Variants in TASOR2 observed in about 807,000 individuals in gnomAD.
TASOR2 encodes the protein protein TASOR 2.
TASOR2 carries 84 observed loss-of-function variants against 199.5 expected under a neutral mutation model. The observed-to-expected ratio is 0.42, with a 90% CI of 0.35 to 0.50. The LOEUF is 0.50. Among genes scored for constraint, TASOR2 ranks in the 20% least tolerant of loss-of-function variants. TASOR2 has a pLI of 0.02. For synonymous variants in TASOR2, 1,103 were observed against 1,046.6 expected, an observed-to-expected ratio of 1.05 and a Z score of -1.04; for missense variants, 2,796 against 2,835.9, an observed-to-expected ratio of 0.99 and a Z score of 0.32.
chr10:5,712,807 TTCTCTC>T lies in TASOR2; in HGVS notation c.-287-14_-287-9del. 1 of 1,167,658 alleles carries T rather than the reference TTCTCTC, an allele frequency of 8.6e-7. No homozygotes were observed. Among genetic ancestry groups the T allele is most frequent in the South Asian group, 4.4e-5 (1 of 22,912 alleles). 72.3% of individuals were successfully genotyped at this position (1,167,658 alleles called of 1,614,324 possible). A position where few individuals can be genotyped will look rare whatever the true frequency, so the allele number is the denominator to read the frequency against. ...ATGTTTATAGCGTTTGGTTATTCTG[TTCTCTC>T]TTTATACAGTACAAAACTTTTTACC... is the stretch of plus-strand genomic sequence containing the variant. On this transcript the variant is annotated splice_polypyrimidine_tract_variant and intron_variant, in intron 1 of 20. Coordinates refer to ENST00000328090, the Ensembl canonical transcript of TASOR2.
In TASOR2 at chr10:5,730,958, C is replaced by G. The variant is rs1451129137; in HGVS notation, c.959C>G (p.Thr320Ser). 1 of 1,613,656 alleles carries G rather than the reference C, an allele frequency of 6.2e-7. No homozygotes were observed. Among genetic ancestry groups the G allele is most frequent in the African/African-American group, 1.3e-5 (1 of 74,810 alleles). ...TCAGAGGCAGAAGTGAGAAAAGAAA[C>G]TGAAACAAAAAAGGATTCTGAAGAA... is the stretch of plus-strand genomic sequence containing the variant. The change falls in exon 11 of 21, where the codon ACT becomes AGT. Residue 320 changes from threonine to serine, a missense_variant. Coordinates refer to ENST00000328090, the Ensembl canonical transcript of TASOR2. The surrounding 1 kb of genome is among the most constrained non-coding windows in gnomAD (Gnocchi z 4.1).
chr10:5,717,723 T>C (rs1173036036), exon 3 of TASOR2: 1 of 1,222,026 alleles, frequency 8.2e-7, no homozygotes, highest in Non-Finnish European at 1.0e-6. Flanking sequence ...GGAAATCTGG[T>C]TATGTTGTAA....
At chr10:5,746,307 C>T (rs771651105) in exon 15 of TASOR2, 2 of 1,614,162 alleles carry the variant, frequency 1.2e-6, no homozygotes, top group African/African-American at 1.3e-5. Flanking sequence ...CACTGGATAG[C>T]ACAAGAGTGG....
intron 15 of TASOR2, among the ~76,000 whole-genome samples, chr10:5,753,472 C>T (rs945037771): frequency 1.3e-5 from 2 of 152,194 alleles, no homozygotes; most frequent in Non-Finnish European, 2.9e-5. Context: ...ACACCATTCT[C>T]CTGCCTCTGC....
intron 12 of TASOR2, 61 bp downstream of exon 13, chr10:5,735,607 G>A (rs369395454): frequency 1.3e-6 from 2 of 1,555,278 alleles, no homozygotes; most frequent in African/African-American, 2.8e-5. Context: ...GAGAGTGCAA[G>A]ATAATTTATT....
exon 15 of TASOR2, chr10:5,747,545 A>G: frequency 6.2e-7 from 1 of 1,614,134 alleles, no homozygotes; most frequent in Non-Finnish European, 8.5e-7. Flanking sequence ...TCTAAAGAAA[A>G]TTGCACCCTT....
chr10:5,708,599 TCTTC>T lies in TASOR2; in HGVS notation c.-287-4217_-287-4214del, dbSNP rs1399384181. On this transcript the variant is annotated intron_variant, in intron 1 of 20. Coordinates refer to ENST00000328090, the Ensembl canonical transcript of TASOR2. Reference sequence around the variant, plus strand: ...CTCCTTTTCTCTCTCTTTCTCTATCTCTTCCTTCCTCCCTCCCTCCCTCCCTCCC... The same window carrying T: ...CTCCTTTTCTCTCTCTTTCTCTATCTCTTCCTCCCTCCCTCCCTCCCTCCC... Among the ~76,000 whole-genome samples, 11 of 127,616 alleles carry T rather than the reference TCTTC, an allele frequency of 8.6e-5. No individual in the cohort carries two copies. The East Asian group carries it at 1.9e-3, about 23-fold the overall frequency. 83.7% of individuals were successfully genotyped at this position (127,616 alleles called of 152,430 possible). A position where few individuals can be genotyped will look rare whatever the true frequency, so the allele number is the denominator to read the frequency against.
At position 5,747,490 on chromosome 10, in the gene TASOR2, A is replaced by C; in HGVS notation, c.4069A>C (p.Lys1357Gln). 6.2e-7 allele frequency: 1 copy of C among 1,613,840 alleles called. No homozygotes were observed. The highest frequency in any genetic ancestry group is 8.5e-7 in the Non-Finnish European group (1 of 1,179,712). Residue 1357 changes from lysine (K) to glutamine (Q), a missense_variant, in exon 15 of 21, where the codon AAG becomes CAG. Coordinates refer to ENST00000328090, the Ensembl canonical transcript of TASOR2. ...AGTGTCAGAAGAACCAGTAGAAAATAAGGAGAGAAAGGGGGATAATTTACA... is the reference window on the plus strand; with the variant it reads ...AGTGTCAGAAGAACCAGTAGAAAATCAGGAGAGAAAGGGGGATAATTTACA...
intron 11 of TASOR2, among the ~76,000 whole-genome samples, chr10:5,733,645 C>G (rs951612917): frequency 6.6e-6 from 1 of 152,102 alleles, no homozygotes; most frequent in Non-Finnish European, 1.5e-5. Flanking sequence ...TTTCATTTTT[C>G]TTTTTTCTCC....
At chr10:5,731,015 T>C (rs774065545) in exon 11 of TASOR2, 1 of 1,614,108 alleles carries the variant, frequency 6.2e-7, no homozygotes, top group Non-Finnish European at 8.5e-7. Flanking sequence ...GTTTTTCCAT[T>C]GAGTCCAGCG....
In TASOR2 at chr10:5,748,408, G is replaced by T. The variant is rs757959888; in HGVS notation, c.4987G>T (p.Asp1663Tyr). Residue 1663 changes from aspartate (D) to tyrosine (Y), a missense_variant, in exon 15 of 21, where the codon GAC becomes TAC. Transcript: ENST00000328090. This position sits in a 1 kb window ranked among gnomAD's most constrained non-coding sequence, Gnocchi z 5.1. Reference sequence around the variant, plus strand: ...GGTCCCCACGCTTTGTTCTTCCTCAGACAATGCTACATTAACCCATTATGT... The same window carrying T: ...GGTCCCCACGCTTTGTTCTTCCTCATACAATGCTACATTAACCCATTATGT... 6.2e-7 allele frequency: 1 copy of T among 1,614,222 alleles called. No homozygotes were observed. Among genetic ancestry groups the T allele is most frequent in the East Asian group, 2.2e-5 (1 of 44,888 alleles).
rs534353492 is a variant in TASOR2 at position 5,761,212 on chromosome 10, A to G, written c.6993-78A>G. 59 of 1,270,102 alleles carry G rather than the reference A, an allele frequency of 4.6e-5. 1 individual carries two copies. In the African/African-American group the frequency reaches 8.4e-4, roughly 18 times the overall value. The allele number at this position is 1,270,102 out of a possible 1,614,324, so 78.7% of individuals were successfully genotyped here. On this transcript the variant is annotated intron_variant, in intron 18 of 20. Coordinates refer to ENST00000328090, the Ensembl canonical transcript of TASOR2. ...AAGGCAGAGGAACTCATGAGTTTGAATGGTTAAACTGAAGGCAAGAAAAAG... is the reference window on the plus strand; with the variant it reads ...AAGGCAGAGGAACTCATGAGTTTGAGTGGTTAAACTGAAGGCAAGAAAAAG...
chr10:5,696,513 C>A (rs1387294390), intron 1 of TASOR2, among the ~76,000 whole-genome samples: 1 of 152,118 alleles, frequency 6.6e-6, no homozygotes, highest in African/African-American at 2.4e-5. Flanking sequence ...TATGCCCCCA[C>A]GTCCAGCTGA....
Position 5,699,171 on chromosome 10 carries a change from CT to C in TASOR2, c.-287-13649del, listed in dbSNP as rs1321599512. On this transcript the variant is annotated intron_variant, in intron 1 of 20. Coordinates refer to ENST00000328090, the Ensembl canonical transcript of TASOR2. The surrounding 1 kb of genome is among the most constrained non-coding windows in gnomAD (Gnocchi z 4.1). ...AAAAGGTATGAAATATTGATATATG[CT>C]TTAACATGGATGAACTTCAAAAACA... Among the ~76,000 whole-genome samples the C allele has an allele frequency of 1.3e-5, 2 of 152,052 alleles. No homozygotes were observed. Among genetic ancestry groups the C allele is most frequent in the African/African-American group, 4.8e-5 (2 of 41,394 alleles).
At chr10:5,714,058 T>TA (rs3834899) in intron 2 of TASOR2, 77 bp from the exon 3 acceptor site, 54,720 of 594,582 alleles carry the variant, frequency 0.092, 3,916 homozygotes, top group East Asian at 0.4. Context: ...AAAATAAAAT[T>TA]AAAAAAAAAA....
At chr10:5,712,682 A>C in intron 1 of TASOR2, 141 bp from the exon 2 acceptor site, 1 of 778,304 alleles carries the variant, frequency 1.3e-6, no homozygotes, top group Non-Finnish European at 1.7e-6. Flanking sequence ...CTTGGAAGGT[A>C]ATTATTCTAG....
rs941798067 is a variant in TASOR2, at chr10:5,710,816, T to C, written c.-287-2007T>C. ...TTCAATTTTGAAACTTTCTTGCTTT[T>C]TTATAAATATCAAATATAAAGTTCC... On this transcript the variant is annotated intron_variant, in intron 1 of 20. Transcript: ENST00000328090. This position sits in a 1 kb window ranked among gnomAD's most constrained non-coding sequence, Gnocchi z 4.6. Among the ~76,000 whole-genome samples, 1 of 152,150 alleles carries C rather than the reference T, an allele frequency of 6.6e-6. No individual in the cohort carries two copies. The highest frequency in any genetic ancestry group is 1.5e-5 in the Non-Finnish European group (1 of 67,978).
chr10:5,743,806 C>G lies in TASOR2; in HGVS notation c.2757+1280C>G, dbSNP rs1312850510. 5 of 152,356 alleles carry G rather than the reference C, an allele frequency of 3.3e-5. No homozygotes were observed. The South Asian group carries it at 1.0e-3, about 32-fold the overall frequency. The allele number at this position is 152,356 out of a possible 1,614,324, so 9.4% of individuals were successfully genotyped here. The stretch of plus-strand genomic sequence containing the variant: ...AATGATTTTGGCAAGCCTGACTGTT[C>G]AAATCAGTGATTCCTAACAATCTCC... On this transcript the variant is annotated intron_variant, in intron 14 of 20. Coordinates refer to ENST00000328090, the Ensembl canonical transcript of TASOR2.
At chr10:5,735,593 A>C in intron 12 of TASOR2, 47 bp downstream of exon 13, 1 of 1,581,044 alleles carries the variant, frequency 6.3e-7, no homozygotes, top group Non-Finnish European at 8.6e-7. Context: ...ATACAGATCT[A>C]ACAGAGAGTG....
Sources: allele counts gnomAD v4.1 joint callset (sites outside exome capture counted in the v4.1 genomes callset), GRCh38; gene constraint gnomAD v4.1.1; non-coding constraint Gnocchi (gnomAD v3.1); transcripts MANE v1.5; gene names NCBI Gene and HGNC (gene_info 2026-07-23, HGNC 2026-07-21).